The following CACNA2D1 variants were observed in gnomAD, a reference collection of about 807,000 sequenced individuals.
CACNA2D1 encodes voltage-dependent calcium channel subunit alpha-2/delta-1.
A neutral mutation model predicts 171.5 loss-of-function variants in CACNA2D1; 53 were observed. The observed-to-expected ratio is 0.31, with a 90% CI of 0.25 to 0.39. The LOEUF (loss-of-function observed/expected upper bound fraction) is 0.39. Ranked by LOEUF, CACNA2D1 falls within the 10% of genes least tolerant of loss-of-function variation. CACNA2D1 has a pLI of 1.00. For synonymous variants in CACNA2D1, 442 were observed against 443.1 expected (o/e 1.00, Z 0.03); for missense variants, 903 against 1,299.8 (o/e 0.69, Z 4.69).
At position 82,214,444 on chromosome 7, in the gene CACNA2D1, C is replaced by CT. The variant is rs768757608; in HGVS notation, c.295-43836dup. ...AGGAGCAAGCCCATGCGCAAGGTGG[C>CT]TTTTTTTTTTTTTCTTTTTGGCTTG... On this transcript the variant is annotated intron_variant, in intron 3 of 38. Coordinates refer to ENST00000356860, the MANE Select transcript of CACNA2D1 (RefSeq NM_000722.4). 3.9e-3 allele frequency among the ~76,000 whole-genome samples: 543 copies of CT among 140,342 alleles called. 1 individual carries two copies. The highest frequency in any genetic ancestry group is 0.015 in the South Asian group (67 of 4,458). 92.1% of individuals were successfully genotyped at this position (140,342 alleles called of 152,430 possible). A position where few individuals can be genotyped will look rare whatever the true frequency, so the allele number is the denominator to read the frequency against.
At chr7:82,104,022 A>G (rs982830674) in intron 6 of CACNA2D1, among the ~76,000 whole-genome samples, 18 of 152,100 alleles carry the variant, frequency 1.2e-4, no homozygotes, top group African/African-American at 4.1e-4. Context: ...TATTCATTAA[A>G]ATATAAACCA....
At chr7:82,410,618 G>T in intron 1 of CACNA2D1, 1 of 544,254 alleles carries the variant, frequency 1.8e-6, no homozygotes. Flanking sequence ...CAGACTGCAA[G>T]AGAGAAGGCG....
intron 9 of CACNA2D1, 61 bp from the exon 10 acceptor site, chr7:82,060,588 T>C: frequency 1.0e-6 from 1 of 966,938 alleles, no homozygotes; most frequent in Middle Eastern, 2.1e-4. Flanking sequence ...AAGAACATCA[T>C]AAGGAAAGAT....
At chr7:82,413,832 A>ACT in intron 1 of CACNA2D1, among the ~76,000 whole-genome samples, 1 of 152,238 alleles carries the variant, frequency 6.6e-6, no homozygotes, top group South Asian at 2.1e-4. Context: ...ATTAATATAT[A>ACT]CACACATATA....
intron 3 of CACNA2D1, among the ~76,000 whole-genome samples, chr7:82,266,805 C>T (rs1180069015): frequency 1.3e-5 from 2 of 152,170 alleles, no homozygotes; most frequent in Non-Finnish European, 2.9e-5. Context: ...GGGTGAGCCA[C>T]TGCACCCAGC....
chr7:82,217,376 T>TAC (rs2129238960), intron 3 of CACNA2D1, among the ~76,000 whole-genome samples: 1 of 113,794 alleles, frequency 8.8e-6, no homozygotes, highest in East Asian at 2.2e-4. Context: ...TATACACACA[T>TAC]ATACACACAC....
At chr7:82,335,777 T>C (rs1044736926) in intron 2 of CACNA2D1, among the ~76,000 whole-genome samples, 2 of 152,194 alleles carry the variant, frequency 1.3e-5, no homozygotes, top group African/African-American at 4.8e-5. Context: ...GAGATGAAGG[T>C]CATTAAGGTT....
intron 3 of CACNA2D1, among the ~76,000 whole-genome samples, chr7:82,300,843 C>T (rs17156092): frequency 0.024 from 3,719 of 151,876 alleles, 92 homozygotes; most frequent in East Asian, 0.083. Context: ...TTAAAATATG[C>T]GTGAAACTGA....
chr7:82,440,891 G>A (rs1207743925), intron 1 of CACNA2D1, among the ~76,000 whole-genome samples: 2 of 151,252 alleles, frequency 1.3e-5, no homozygotes, highest in Non-Finnish European at 3.0e-5. Flanking sequence ...TAATTTTATA[G>A]TGTGTGATGG....
chr7:82,362,242 AT>A (rs1317120317), intron 1 of CACNA2D1, among the ~76,000 whole-genome samples: 1 of 152,154 alleles, frequency 6.6e-6, no homozygotes, highest in Non-Finnish European at 1.5e-5. Context: ...TTTTGTCATT[AT>A]TAGTCATTCT....
At chr7:82,063,297 T>A (rs1338422257) in intron 9 of CACNA2D1, among the ~76,000 whole-genome samples, 1 of 152,160 alleles carries the variant, frequency 6.6e-6, no homozygotes, top group African/African-American at 2.4e-5. Context: ...TATCAAGGAT[T>A]AGCATATAAG....
At chr7:82,294,930 A>T (rs1812078756) in intron 3 of CACNA2D1, among the ~76,000 whole-genome samples, 1 of 152,200 alleles carries the variant, frequency 6.6e-6, no homozygotes, top group Admixed American at 6.5e-5. Context: ...AAATCAGTCC[A>T]AGACATATCA....
At chr7:82,438,602 T>C (rs1585968251) in intron 1 of CACNA2D1, among the ~76,000 whole-genome samples, 1 of 152,158 alleles carries the variant, frequency 6.6e-6, no homozygotes, top group Non-Finnish European at 1.5e-5. Context: ...GTAAGCTACA[T>C]GGTTGGCCAT....
intron 1 of CACNA2D1, among the ~76,000 whole-genome samples, chr7:82,363,333 C>G (rs1206742843): frequency 8.0e-6 from 1 of 124,678 alleles, no homozygotes; most frequent in African/African-American, 3.0e-5. Flanking sequence ...GGCGCCATCT[C>G]TGCTCACTGC....
In CACNA2D1 at chr7:81,961,998, C is replaced by T. The variant is rs749722010; in HGVS notation, c.2862G>A (p.Thr954=). 28 of 1,612,116 alleles carry T rather than the reference C, an allele frequency of 1.7e-5. No homozygotes were observed. Among genetic ancestry groups the T allele is most frequent in the South Asian group, 2.2e-5 (2 of 91,024 alleles). ...EAVEMEDDDF[T]ASLSKQSCIT... is the part of the protein sequence containing the mutation. ...TGCAGCTCTGCTTGGACAGGGAGGCCGTGAAGTCATCATCCTCCATCTCAA... is the reference window on the plus strand; with the variant it reads ...TGCAGCTCTGCTTGGACAGGGAGGCTGTGAAGTCATCATCCTCCATCTCAA... Residue 954 remains threonine (T), a synonymous_variant, in exon 36 of 39, where the codon ACG becomes ACA. Coordinates refer to ENST00000356860, the MANE Select transcript of CACNA2D1 (RefSeq NM_000722.4).
chr7:82,288,481 A>G (rs1811123318), intron 3 of CACNA2D1, among the ~76,000 whole-genome samples: 1 of 151,724 alleles, frequency 6.6e-6, no homozygotes, highest in South Asian at 2.1e-4. Context: ...AGCTTCTTTT[A>G]ACAAAGAGTT....
intron 1 of CACNA2D1, among the ~76,000 whole-genome samples, chr7:82,388,062 C>CAAAAAA (rs772179078): frequency 5.1e-5 from 4 of 79,054 alleles, no homozygotes; most frequent in East Asian, 3.6e-4. Flanking sequence ...ACCCTGTCTC[C>CAAAAAA]AAAAAAAAAA....
chr7:82,053,137 A>T (rs1192241611), intron 10 of CACNA2D1, among the ~76,000 whole-genome samples: 1 of 151,736 alleles, frequency 6.6e-6, no homozygotes, highest in East Asian at 1.9e-4. Context: ...CTGTATTCCC[A>T]GCTACTCAGG....
intron 3 of CACNA2D1, among the ~76,000 whole-genome samples, chr7:82,330,906 T>G (rs1171171900): frequency 6.6e-6 from 1 of 152,064 alleles, no homozygotes; most frequent in Non-Finnish European, 1.5e-5. Context: ...ACATTCAAAT[T>G]TCACATTCTT....
Sources: gnomAD v4.1 joint callset for allele counts (sites outside exome capture counted in the v4.1 genomes callset) on GRCh38, gnomAD v4.1.1 for gene constraint, MANE v1.5 for transcripts, NCBI Gene and HGNC (gene_info 2026-07-23, HGNC 2026-07-21) for gene names.